Variants in ARHGEF7 observed in about 807,000 individuals in gnomAD.
ARHGEF7 encodes the protein PAK-interacting exchange factor beta.
Under a neutral mutation model 109.8 loss-of-function variants are expected in ARHGEF7, and 33 were observed. The ratio of observed to expected loss-of-function variants is 0.30; its 90% confidence interval spans 0.23 to 0.40. ARHGEF7 has a LOEUF of 0.40. ARHGEF7 is among the 10% of genes least tolerant of loss of function. The pLI is 1.00. For missense variants in ARHGEF7, 938 were observed against 1,098.5 expected (o/e 0.85, Z 2.07); for synonymous variants, 458 against 424.6 (o/e 1.08, Z -0.97).
intron 2 of ARHGEF7, among the ~76,000 whole-genome samples, chr13:111,192,269 A>G (rs781146909): frequency 1.2e-4 from 18 of 152,174 alleles, no homozygotes; most frequent in African/African-American, 4.3e-4. Flanking sequence ...CAGTGGGGGT[A>G]GAGAGGATTA....
intron 5 of ARHGEF7, 74 bp from the exon 6 acceptor site, chr13:111,233,131 G>A: frequency 8.1e-7 from 1 of 1,235,306 alleles, no homozygotes; most frequent in Non-Finnish European, 1.2e-6. Context: ...GAGTATCCTT[G>A]GCCTGTGTGA....
At chr13:111,250,109 A>G (rs1276490221) in intron 8 of ARHGEF7, among the ~76,000 whole-genome samples, 1 of 152,210 alleles carries the variant, frequency 6.6e-6, no homozygotes, top group African/African-American at 2.4e-5. Context: ...TTTTCAAATC[A>G]CAGTTCTTCC....
chr13:111,263,751 A>G (rs1339810668), intron 8 of ARHGEF7, among the ~76,000 whole-genome samples: 2 of 152,198 alleles, frequency 1.3e-5, no homozygotes, highest in East Asian at 1.9e-4. Flanking sequence ...TCTGAGGATG[A>G]ACATCACCTG....
intron 8 of ARHGEF7, among the ~76,000 whole-genome samples, chr13:111,247,785 T>C (rs1478361011): frequency 1.3e-5 from 2 of 152,170 alleles, no homozygotes; most frequent in African/African-American, 2.4e-5. Flanking sequence ...TGGCTGTGTT[T>C]GTACTACAGT....
intron 4 of ARHGEF7, among the ~76,000 whole-genome samples, chr13:111,213,865 T>A (rs910991774): frequency 3.9e-5 from 6 of 152,184 alleles, no homozygotes; most frequent in African/African-American, 1.4e-4. Context: ...GAGTGTGTAG[T>A]TGGAATATAG....
Position 111,255,715 on chromosome 13 carries a change from C to G in ARHGEF7, c.950+11421C>G, listed in dbSNP as rs752974651. ...GTGAGGGACTTTTTTCCTCACCCTT[C>G]CCATTTCTGCAGCTTTGTCTTCACT... On this transcript the variant is annotated intron_variant, in intron 8 of 21. Coordinates refer to ENST00000646102, the MANE Select transcript of ARHGEF7 (RefSeq NM_001354046.2). This position sits in a 1 kb window ranked among gnomAD's most constrained non-coding sequence, Gnocchi z 4.1. 6.6e-5 allele frequency among the ~76,000 whole-genome samples: 10 copies of G among 152,208 alleles called. No individual in the cohort carries two copies. The highest frequency in any genetic ancestry group is 1.5e-5 in the Non-Finnish European group (1 of 68,040).
chr13:111,278,381 A>G (rs759770820), intron 13 of ARHGEF7, among the ~76,000 whole-genome samples: 1 of 152,178 alleles, frequency 6.6e-6, no homozygotes, highest in Non-Finnish European at 1.5e-5. Context: ...CTGGCCAGTC[A>G]CCACGTAACC....
Position 111,288,276 on chromosome 13 carries a change from G to A in ARHGEF7, c.2045-78G>A, listed in dbSNP as rs183610254. 324 of 806,278 alleles carry A rather than the reference G, an allele frequency of 4.0e-4. No individual in the cohort carries two copies. In the African/African-American group the frequency reaches 4.6e-3, roughly 11 times the overall value. 49.9% of individuals were successfully genotyped at this position (806,278 alleles called of 1,614,324 possible). A position where few individuals can be genotyped will look rare whatever the true frequency, so the allele number is the denominator to read the frequency against. On this transcript the variant is annotated intron_variant, in intron 17 of 21. Transcript: ENST00000646102. Reference sequence around the variant, plus strand: ...ACTTGGTCACTTTGGTCGAGTTGATGTCTGCATTGCATTCGTCTCGCCAGT... The same window carrying A: ...ACTTGGTCACTTTGGTCGAGTTGATATCTGCATTGCATTCGTCTCGCCAGT...
chr13:111,178,883 G>C (rs1342177395), intron 2 of ARHGEF7, among the ~76,000 whole-genome samples: 1 of 152,238 alleles, frequency 6.6e-6, no homozygotes, highest in African/African-American at 2.4e-5. Context: ...CCCCACAGAT[G>C]ATGAGTGAAA....
intron 1 of ARHGEF7, among the ~76,000 whole-genome samples, chr13:111,120,846 A>C (rs1048476235): frequency 6.6e-6 from 1 of 152,224 alleles, no homozygotes; most frequent in African/African-American, 2.4e-5. Flanking sequence ...GAGGTCTGGC[A>C]GTTAGCTTTG....
In ARHGEF7 at chr13:111,275,517, T is replaced by C; in HGVS notation, c.1273-15T>C. ...AAGTTTATGTCTGTTAACAGTGTTG[T>C]TCTGTGTCTGTCAGGCCCAATGTCA... On this transcript the variant is annotated splice_polypyrimidine_tract_variant and intron_variant, in intron 11 of 21. Transcript: ENST00000646102. 1.2e-6 allele frequency: 2 copies of C among 1,613,490 alleles called. No homozygotes were observed. Among genetic ancestry groups the C allele is most frequent in the Non-Finnish European group, 8.5e-7 (1 of 1,179,884 alleles).
intron 19 of ARHGEF7, among the ~76,000 whole-genome samples, chr13:111,296,195 A>G (rs1247521781): frequency 1.4e-5 from 2 of 145,886 alleles, no homozygotes; most frequent in African/African-American, 5.2e-5. Flanking sequence ...GCTGGGTTAG[A>G]TCTGTGTTTC....
intron 8 of ARHGEF7, among the ~76,000 whole-genome samples, chr13:111,263,707 A>G (rs1024039407): frequency 3.9e-5 from 6 of 152,182 alleles, no homozygotes; most frequent in Non-Finnish European, 2.9e-5. Flanking sequence ...CTGTCATTCT[A>G]GAAGCCCGCC....
chr13:111,138,644 A>G (rs1042364672), intron 1 of ARHGEF7, among the ~76,000 whole-genome samples: 2 of 152,196 alleles, frequency 1.3e-5, no homozygotes, highest in South Asian at 4.1e-4. Context: ...GGTCTGAAGC[A>G]GCCTGCACCG....
At chr13:111,233,170 C>T in intron 5 of ARHGEF7, 35 bp from the exon 6 acceptor site, 3 of 1,553,812 alleles carry the variant, frequency 1.9e-6, no homozygotes, top group Non-Finnish European at 2.7e-6. Context: ...ATCTTTAGTA[C>T]TGATCAGTAA....
chr13:111,292,566 C>A (rs2093323185), intron 19 of ARHGEF7: 1 of 1,346,068 alleles, frequency 7.4e-7, no homozygotes, highest in South Asian at 1.9e-5. Context: ...CGAGGGTGCT[C>A]TTCGTAAGGG....
At chr13:111,149,689 G>C (rs1367652884) in intron 1 of ARHGEF7, among the ~76,000 whole-genome samples, 1 of 152,128 alleles carries the variant, frequency 6.6e-6, no homozygotes, top group African/African-American at 2.4e-5. Context: ...CTGTGTTTCA[G>C]TTACAGCATT....
intron 5 of ARHGEF7, among the ~76,000 whole-genome samples, chr13:111,223,942 C>T (rs890420282): frequency 2.6e-5 from 4 of 151,640 alleles, no homozygotes; most frequent in African/African-American, 9.7e-5. Flanking sequence ...CTGCAACCTC[C>T]ACCTCCTGGG....
chr13:111,243,390 T>C (rs2088174638), intron 6 of ARHGEF7, among the ~76,000 whole-genome samples: 1 of 152,206 alleles, frequency 6.6e-6, no homozygotes, highest in African/African-American at 2.4e-5. Flanking sequence ...CTCCTTTCCT[T>C]GTTGTCCACG....
Sources: gnomAD v4.1 joint callset for allele counts (sites outside exome capture counted in the v4.1 genomes callset) on GRCh38, gnomAD v4.1.1 for gene constraint, Gnocchi (gnomAD v3.1) non-coding constraint, MANE v1.5 for transcripts, NCBI Gene and HGNC (gene_info 2026-07-23, HGNC 2026-07-21) for gene names.